The following DCC variants were observed in gnomAD, a reference collection of about 807,000 sequenced individuals.
DCC encodes the protein DCC netrin 1 receptor, also known as netrin receptor DCC.
A neutral mutation model predicts 172.5 loss-of-function variants in DCC; 58 were observed. The observed-to-expected ratio is 0.34, with a 90% CI of 0.27 to 0.42. The LOEUF is 0.42. Ranked by LOEUF, DCC falls within the 10% of genes least tolerant of loss-of-function variation. The probability of loss-of-function intolerance (pLI) is 1.00; values close to 1 mark genes in which losing one functional copy is unlikely to be tolerated. For synonymous variants in DCC, 709 were observed against 644.5 expected (o/e 1.10, Z -1.52); for missense variants, 1,740 against 1,791.0 (o/e 0.97, Z 0.51).
At chr18:52,793,277 G>A (rs923342279) in intron 2 of DCC, among the ~76,000 whole-genome samples, 5 of 152,178 alleles carry the variant, frequency 3.3e-5, no homozygotes, top group African/African-American at 4.8e-5. Context: ...AAGGGAAGAT[G>A]GAGCCACCAC....
At chr18:53,265,749 C>T (rs2056666320) in intron 12 of DCC, among the ~76,000 whole-genome samples, 1 of 152,202 alleles carries the variant, frequency 6.6e-6, no homozygotes, top group South Asian at 2.1e-4. Flanking sequence ...TTATCTAGGG[C>T]TTTCAGAAGC....
chr18:52,701,904 G>T (rs1338347280), intron 1 of DCC, among the ~76,000 whole-genome samples: 1 of 152,074 alleles, frequency 6.6e-6, no homozygotes, highest in East Asian at 1.9e-4. Context: ...AGTTATTATT[G>T]CTCCTTGTGT....
chr18:53,023,567 G>A (rs889220653), intron 5 of DCC, among the ~76,000 whole-genome samples: 1 of 151,858 alleles, frequency 6.6e-6, no homozygotes, highest in Non-Finnish European at 1.5e-5. Flanking sequence ...TGGACCCCCT[G>A]AACCTAAAAT....
At chr18:53,502,315 CTTAT>C (rs2046111273) in intron 27 of DCC, among the ~76,000 whole-genome samples, 1 of 152,144 alleles carries the variant, frequency 6.6e-6, no homozygotes, top group African/African-American at 2.4e-5. Context: ...GTGTTTCTCT[CTTAT>C]TGTCTTCCTA....
At chr18:52,611,949 A>C (rs2034284190) in intron 1 of DCC, among the ~76,000 whole-genome samples, 1 of 152,194 alleles carries the variant, frequency 6.6e-6, no homozygotes, top group Non-Finnish European at 1.5e-5. Flanking sequence ...GTAGACAATA[A>C]ACTAGAGGAG....
At chr18:52,359,744 C>G (rs1984536324) in intron 1 of DCC, among the ~76,000 whole-genome samples, 1 of 152,130 alleles carries the variant, frequency 6.6e-6, no homozygotes, top group Non-Finnish European at 1.5e-5. Context: ...AAGTAAACCT[C>G]TGTTTGATTT....
intron 1 of DCC, among the ~76,000 whole-genome samples, chr18:52,531,359 A>G (rs569925947): frequency 6.6e-6 from 1 of 152,346 alleles, no homozygotes; most frequent in African/African-American, 2.4e-5. Context: ...CAGACTGGAA[A>G]AGGCTGAAGT....
chr18:52,527,281 A>G (rs2032011898), intron 1 of DCC, among the ~76,000 whole-genome samples: 1 of 152,246 alleles, frequency 6.6e-6, no homozygotes, highest in Non-Finnish European at 1.5e-5. Context: ...TTCAGTCTAC[A>G]GGCAATGTGA....
intron 1 of DCC, among the ~76,000 whole-genome samples, chr18:52,491,336 A>G (rs960473283): frequency 5.9e-5 from 9 of 152,054 alleles, no homozygotes; most frequent in African/African-American, 2.2e-4. Flanking sequence ...AAACAAACAC[A>G]TATATAATTG....
At chr18:52,827,854 C>T (rs1227354568) in intron 2 of DCC, among the ~76,000 whole-genome samples, 2 of 152,176 alleles carry the variant, frequency 1.3e-5, no homozygotes, top group African/African-American at 2.4e-5. Flanking sequence ...AACACAAGTC[C>T]CAGTGGGGCT....
chr18:53,468,363 T>TTTATTTATTTTA (rs1555675962), intron 25 of DCC, among the ~76,000 whole-genome samples: 3,363 of 54,624 alleles, frequency 0.062, 73 homozygotes, highest in Middle Eastern at 0.11. Context: ...TATTTATTTA[T>TTTATTTATTTTA]TTTATTTATT....
chr18:52,712,433 C>T (rs1192650752), intron 1 of DCC, among the ~76,000 whole-genome samples: 7 of 152,318 alleles, frequency 4.6e-5, no homozygotes, highest in African/African-American at 1.7e-4. Context: ...AAGCAATTTA[C>T]ATGCATTAGC....
At chr18:53,329,012 A>C (rs527343454) in intron 14 of DCC, among the ~76,000 whole-genome samples, 1 of 152,204 alleles carries the variant, frequency 6.6e-6, no homozygotes, top group Non-Finnish European at 1.5e-5. Context: ...GAGAGTGTAC[A>C]TTCAGTACAT....
rs534715714 is a variant in DCC at position 53,053,799 on chromosome 18, C to T, written c.986-9506C>T. Among the ~76,000 whole-genome samples, 3 of 152,260 alleles carry T rather than the reference C, an allele frequency of 2.0e-5. No homozygotes were observed. In the South Asian group the frequency reaches 6.2e-4, roughly 32 times the overall value. ...TTATTATTTGTGGCATCAAACAACACACATGATTTAACACTTAAATCTTGT... is the reference window on the plus strand; with the variant it reads ...TTATTATTTGTGGCATCAAACAACATACATGATTTAACACTTAAATCTTGT... On this transcript the variant is annotated intron_variant, in intron 5 of 28. Coordinates refer to ENST00000442544, the MANE Select transcript of DCC (RefSeq NM_005215.4).
Position 53,064,756 on chromosome 18 carries a change from A to G in DCC, c.1141-1290A>G, listed in dbSNP as rs192879010. Among the ~76,000 whole-genome samples the G allele has an allele frequency of 4.4e-4, 67 of 152,296 alleles. 1 individual carries two copies. The highest frequency in any genetic ancestry group is 1.6e-3 in the African/African-American group (66 of 41,566). ...TAAAATTTTAACTTTTAAATGCCACAGTGATCCATTATTTCCTTTAAAGGC... is the reference window on the plus strand; with the variant it reads ...TAAAATTTTAACTTTTAAATGCCACGGTGATCCATTATTTCCTTTAAAGGC... On this transcript the variant is annotated intron_variant, in intron 6 of 28. Transcript: ENST00000442544.
intron 12 of DCC, among the ~76,000 whole-genome samples, chr18:53,293,476 AATTTTTATTTT>A (rs2057029142): frequency 6.6e-6 from 1 of 152,060 alleles, no homozygotes; most frequent in Non-Finnish European, 1.5e-5. Context: ...GCGTTTTTTA[AATTTTTATTTT>A]AGTTTCAGGG....
chr18:52,919,220 C>T (rs1252596004), intron 3 of DCC, among the ~76,000 whole-genome samples: 4 of 152,134 alleles, frequency 2.6e-5, no homozygotes, highest in East Asian at 1.9e-4. Flanking sequence ...GCTCATGCAG[C>T]GTGACTTTCA....
intron 1 of DCC, among the ~76,000 whole-genome samples, chr18:52,478,220 T>C (rs1989151214): frequency 6.6e-6 from 1 of 152,184 alleles, no homozygotes; most frequent in Admixed American, 6.5e-5. Flanking sequence ...TTGACATCAG[T>C]ACCCTATGGT....
intron 5 of DCC, among the ~76,000 whole-genome samples, chr18:52,959,463 G>A (rs183456166): frequency 7.4e-4 from 112 of 152,134 alleles, no homozygotes; most frequent in Non-Finnish European, 1.3e-3. Context: ...AGCTACATTT[G>A]TATGTTTGTT....
Sources: gnomAD v4.1 joint callset for allele counts (sites outside exome capture counted in the v4.1 genomes callset) on GRCh38, gnomAD v4.1.1 for gene constraint, MANE v1.5 for transcripts, NCBI Gene and HGNC (gene_info 2026-07-23, HGNC 2026-07-21) for gene names.